ATP6V1B1: variants seen among roughly 807,000 people sequenced by gnomAD.
ATP6V1B1 encodes the protein ATPase H+ transporting V1 subunit B1, also known as V-type proton ATPase subunit B, kidney isoform.
Under a neutral mutation model 62.1 loss-of-function variants are expected in ATP6V1B1, and 41 were observed. The observed-to-expected ratio is 0.66, with a 90% confidence interval of 0.51 to 0.86. The LOEUF (loss-of-function observed/expected upper bound fraction) is 0.86. ATP6V1B1 is among the 40% of genes least tolerant of loss of function. ATP6V1B1 has a pLI of 0.00. For missense variants in ATP6V1B1, 651 were observed against 697.5 expected, an observed-to-expected ratio of 0.93 and a Z score of 0.75; for synonymous variants, 253 against 273.4, an observed-to-expected ratio of 0.93 and a Z score of 0.74.
Position 70,959,818 on chromosome 2 carries a change from C to T in ATP6V1B1, c.446-121C>T, listed in dbSNP as rs1375700248. The T allele has an allele frequency of 1.1e-5, 16 of 1,479,580 alleles. No individual in the cohort carries two copies. Among genetic ancestry groups the T allele is most frequent in the South Asian group, 5.8e-5 (5 of 85,532 alleles). 91.7% of individuals were successfully genotyped at this position (1,479,580 alleles called of 1,614,324 possible). On this transcript the variant is annotated intron_variant, in intron 5 of 13. Transcript: ENST00000234396. The surrounding 1 kb of genome is among the most constrained non-coding windows in gnomAD (Gnocchi z 4.2). ...TACATCAGGCAGCACGGCCAGAGCA[C>T]GTTTCTATCATCACAGAAAGTTCCG...
At chr2:70,936,180 A>ACTC in intron 1 of ATP6V1B1, 108 bp downstream of exon 1, 1 of 1,117,522 alleles carries the variant, frequency 8.9e-7, no homozygotes, top group South Asian at 1.4e-5. Context: ...AGGACCCAAG[A>ACTC]CCTGGGGAGA....
rs374351693 is a variant in ATP6V1B1 at position 70,958,426 on chromosome 2, G to T, written c.367G>T (p.Gly123Cys). The change falls in exon 4 of 14, where the codon GGT (glycine) becomes TGT (cysteine). Residue 123 changes from glycine to cysteine, a missense_variant and splice_region_variant. Gly to Cys is a radical substitution (Grantham distance 159). Coordinates refer to ENST00000234396, the MANE Select transcript of ATP6V1B1 (RefSeq NM_001692.4). ...LRTPVSEDML[G>C]RVFNGSGKPI... ...AACTCCGGTGTCAGAGGACATGCTG[G>T]GTGAGGGACAGGGAGGGGCAGGGGT... 6.2e-7 allele frequency: 1 copy of T among 1,613,716 alleles called. No homozygotes were observed. Among genetic ancestry groups the T allele is most frequent in the Non-Finnish European group, 8.5e-7 (1 of 1,179,806 alleles).
chr2:70,945,236 C>G (rs572519697), intron 2 of ATP6V1B1, among the ~76,000 whole-genome samples: 2 of 152,304 alleles, frequency 1.3e-5, no homozygotes, highest in African/African-American at 4.8e-5. Flanking sequence ...CCTGCAACGA[C>G]TGTAATGTGG....
chr2:70,936,102 G>A, intron 1 of ATP6V1B1, 30 bp downstream of exon 1: 5 of 1,607,072 alleles, frequency 3.1e-6, no homozygotes, highest in Non-Finnish European at 4.3e-6. Context: ...TGACGGGTGA[G>A]GTCAGGGTGG....
In ATP6V1B1 at chr2:70,961,607, G is replaced by A. The variant is rs782087489; in HGVS notation, c.699G>A (p.Glu233=). ...IVFAAMGVNM[E]TARFFKSDFE... ...TGCTGTGTATCCAGGTGAACATGGAGACAGCCAGATTCTTCAAGTCTGACT... is the reference window on the plus strand; with the variant it reads ...TGCTGTGTATCCAGGTGAACATGGAAACAGCCAGATTCTTCAAGTCTGACT... Residue 233 remains glutamate (E), a synonymous_variant, in exon 8 of 14, where the codon GAG becomes GAA. Coordinates refer to ENST00000234396, the MANE Select transcript of ATP6V1B1 (RefSeq NM_001692.4). The A allele has an allele frequency of 6.2e-7, 1 of 1,614,234 alleles. No individual in the cohort carries two copies.
chr2:70,961,819 C>A, intron 8 of ATP6V1B1, 126 bp downstream of exon 8: 1 of 941,726 alleles, frequency 1.1e-6, no homozygotes, highest in Non-Finnish European at 1.7e-6. Flanking sequence ...GGAGAACAAC[C>A]CTCATTGTGT....
rs782734080 is a variant in ATP6V1B1 at position 70,963,576 on chromosome 2, C to T, written c.1065C>T (p.Ile355=). ...IPILTMPNDD[I]THPIPDLTGF... ...GGCCAGTGAGTTTTCTTGTAGATAT[C>T]ACCCACCCTATCCCAGACTTGACGG... The change falls in exon 11 of 14, where the codon ATC becomes ATT. Residue 355 remains isoleucine, a synonymous_variant. Coordinates refer to ENST00000234396, the MANE Select transcript of ATP6V1B1 (RefSeq NM_001692.4). The surrounding 1 kb of genome is among the most constrained non-coding windows in gnomAD (Gnocchi z 4.3). 1.2e-6 allele frequency: 2 copies of T among 1,614,110 alleles called. No individual in the cohort carries two copies. The highest frequency in any genetic ancestry group is 2.2e-5 in the South Asian group (2 of 91,086).
chr2:70,955,926 C>T (rs78903430), intron 2 of ATP6V1B1: 8,580 of 160,146 alleles, frequency 0.054, 717 homozygotes, highest in African/African-American at 0.18. Flanking sequence ...CAGCCAGCAG[C>T]AGTTCTAACA....
At chr2:70,957,532 G>A (rs1426177637) in intron 2 of ATP6V1B1, among the ~76,000 whole-genome samples, 1 of 152,150 alleles carries the variant, frequency 6.6e-6, no homozygotes, top group Non-Finnish European at 1.5e-5. Flanking sequence ...CACTTTGCGA[G>A]TGTGTTTACC....
chr2:70,953,910 T>C (rs1680374822), intron 2 of ATP6V1B1, among the ~76,000 whole-genome samples: 2 of 152,250 alleles, frequency 1.3e-5, no homozygotes, highest in African/African-American at 4.8e-5. Context: ...ATTCATGTTA[T>C]CTAATTTCTC....
chr2:70,936,345 C>T (rs939402446), intron 1 of ATP6V1B1, among the ~76,000 whole-genome samples: 6 of 152,114 alleles, frequency 3.9e-5, no homozygotes, highest in Non-Finnish European at 5.9e-5. Flanking sequence ...CTGTAACACC[C>T]GAAGTCCAGA....
intron 2 of ATP6V1B1, among the ~76,000 whole-genome samples, chr2:70,949,351 T>A (rs1353432409): frequency 6.6e-6 from 1 of 152,256 alleles, no homozygotes; most frequent in Non-Finnish European, 1.5e-5. Flanking sequence ...GACATTCGTA[T>A]GTTCTCAGGT....
intron 13 of ATP6V1B1, 44 bp from the exon 14 acceptor site, chr2:70,964,914 C>T: frequency 1.2e-6 from 2 of 1,614,032 alleles, no homozygotes; most frequent in South Asian, 1.1e-5. Context: ...ACCCTCCTTC[C>T]GCCCCACACA....
chr2:70,943,593 T>C, intron 1 of ATP6V1B1, 65 bp from the exon 2 acceptor site: 1 of 1,515,538 alleles, frequency 6.6e-7, no homozygotes, highest in South Asian at 1.1e-5. Flanking sequence ...AGGCAGAGGA[T>C]GCCTCTGTGT....
chr2:70,941,626 G>C lies in ATP6V1B1; in HGVS notation c.119-2032G>C, dbSNP rs57466277. The C allele has an allele frequency of 6.3e-3, 5,239 of 836,190 alleles. 158 individuals are homozygous for C. In the African/African-American group the frequency reaches 0.07, roughly 11 times the overall value. The allele number at this position is 836,190 out of a possible 1,614,324, so 51.8% of individuals were successfully genotyped here. On this transcript the variant is annotated intron_variant, in intron 1 of 13. Coordinates refer to ENST00000234396, the MANE Select transcript of ATP6V1B1 (RefSeq NM_001692.4). ...TCTGTATCCTTCTTTTAGCCTGTAG[G>C]CACTTCACATTTTCATTTGTCACTT...
At chr2:70,938,819 A>G in intron 1 of ATP6V1B1, 1 of 983,456 alleles carries the variant, frequency 1.0e-6, no homozygotes, top group African/African-American at 1.7e-5. Flanking sequence ...GCAGGAGCAA[A>G]GGTCAGGAAG....
chr2:70,943,430 C>A (rs1680056956), intron 1 of ATP6V1B1: 3 of 671,064 alleles, frequency 4.5e-6, no homozygotes, highest in Non-Finnish European at 8.2e-6. Flanking sequence ...TGCCCTCTGC[C>A]TGGCCCTCCC....
At chr2:70,949,599 T>A (rs1417822159) in intron 2 of ATP6V1B1, among the ~76,000 whole-genome samples, 1 of 152,234 alleles carries the variant, frequency 6.6e-6, no homozygotes, top group East Asian at 1.9e-4. Flanking sequence ...ATGTTCTCTC[T>A]GTAGTTTTAC....
intron 9 of ATP6V1B1, 69 bp downstream of exon 9, chr2:70,962,969 AC>A: frequency 6.2e-7 from 1 of 1,609,484 alleles, no homozygotes; most frequent in Non-Finnish European, 8.5e-7. Context: ...CCAGACGGTC[AC>A]CCTGCAAATA....
Sources: gnomAD v4.1 joint callset for allele counts (sites outside exome capture counted in the v4.1 genomes callset) on GRCh38, gnomAD v4.1.1 for gene constraint, Gnocchi (gnomAD v3.1) non-coding constraint, MANE v1.5 for transcripts, NCBI Gene and HGNC (gene_info 2026-07-23, HGNC 2026-07-21) for gene names.